HIVEP3: variants seen among roughly 807,000 people sequenced by gnomAD.
HIVEP3 encodes the protein transcription factor HIVEP3.
In HIVEP3, 49 loss-of-function variants were observed where a neutral mutation model predicts 152.8. The observed-to-expected ratio is 0.32, with a 90% CI of 0.26 to 0.41. The LOEUF is 0.41. Among genes scored for constraint, HIVEP3 ranks in the 10% least tolerant of loss-of-function variants. The probability of loss-of-function intolerance (pLI) is 1.00; values close to 1 mark genes in which losing one functional copy is unlikely to be tolerated. For synonymous variants in HIVEP3, 1,269 were observed against 1,289.0 expected (o/e 0.98, Z 0.33); for missense variants, 2,790 against 3,103.3 (o/e 0.90, Z 2.40).
intron 1 of HIVEP3, among the ~76,000 whole-genome samples, chr1:41,870,684 T>A (rs981477566): frequency 5.9e-5 from 9 of 152,220 alleles, no homozygotes; most frequent in Admixed American, 2.0e-4. Flanking sequence ...TATTTATTAA[T>A]CTACTAGTAA....
Position 41,511,241 on chromosome 1 carries a change from G to C in HIVEP3, c.6431C>G (p.Ser2144Cys), listed in dbSNP as rs201986357. The C allele has an allele frequency of 1.2e-6, 2 of 1,610,332 alleles. No individual in the cohort carries two copies. The highest frequency in any genetic ancestry group is 3.3e-5 in the Admixed American group (2 of 59,894). ...PWQKAESRSP[S>C]CSPGPAHPLS... Reference sequence around the variant, plus strand: ...AGGATGAGCAGGGCCGGGTGAGCAGGAGGGACTTCGGGACTCGGCCTTCTG... The same window carrying C: ...AGGATGAGCAGGGCCGGGTGAGCAGCAGGGACTTCGGGACTCGGCCTTCTG... Residue 2144 changes from serine to cysteine, a missense_variant, in exon 9 of 9, where the codon TCC becomes TGC. Ser to Cys is a moderately radical substitution (Grantham distance 112). Coordinates refer to ENST00000372583, the MANE Select transcript of HIVEP3 (RefSeq NM_024503.5). The surrounding 1 kb of genome is among the most constrained non-coding windows in gnomAD (Gnocchi z 4.9).
chr1:41,856,323 G>T (rs1643764553), intron 1 of HIVEP3, among the ~76,000 whole-genome samples: 1 of 152,164 alleles, frequency 6.6e-6, no homozygotes, highest in African/African-American at 2.4e-5. Context: ...GTGGGAGGGG[G>T]AAACAGGATG....
At chr1:41,574,542 G>A (rs1386656079) in intron 5 of HIVEP3, among the ~76,000 whole-genome samples, 3 of 152,074 alleles carry the variant, frequency 2.0e-5, no homozygotes, top group African/African-American at 7.2e-5. Flanking sequence ...GGGGAGGGTG[G>A]CAGTCTCTGT....
intron 1 of HIVEP3, among the ~76,000 whole-genome samples, chr1:41,756,142 G>C (rs914434172): frequency 1.2e-4 from 18 of 152,332 alleles, no homozygotes; most frequent in African/African-American, 4.1e-4. Flanking sequence ...AAAAGGAACA[G>C]ACTGTTGTTA....
At position 41,524,887 on chromosome 1, in the gene HIVEP3, A is replaced by G. The variant is rs143225405; in HGVS notation, c.5231T>C (p.Val1744Ala). The change falls in exon 6 of 9, where the codon GTA becomes GCA. Residue 1744 changes from valine (V) to alanine (A), a missense_variant. By Grantham distance (64) the Val-to-Ala change is moderately conservative (BLOSUM62 0). Coordinates refer to ENST00000372583, the MANE Select transcript of HIVEP3 (RefSeq NM_024503.5). The stretch of plus-strand genomic sequence containing the variant: ...CCCTCGGCCGCGGCCTCGCACATAT[A>G]CATACTCTTCGTTTGATTTGTACCT... ...EGGYKSNEEY[V>A]YVRGRGRGKY... 1.2e-6 allele frequency: 2 copies of G among 1,613,832 alleles called. No individual in the cohort carries two copies. Among genetic ancestry groups the G allele is most frequent in the African/African-American group, 2.7e-5 (2 of 74,884 alleles).
At position 41,513,021 on chromosome 1, in the gene HIVEP3, G is replaced by A. The variant is rs764272543; in HGVS notation, c.6200C>T (p.Ser2067Leu). 9.9e-6 allele frequency: 16 copies of A among 1,613,418 alleles called. No homozygotes were observed. In the Middle Eastern group the frequency reaches 8.2e-4, roughly 83 times the overall value. Residue 2067 changes from serine to leucine, a missense_variant, in exon 8 of 9, where the codon TCG becomes TTG. This residue lies in a region of HIVEP3 where 816 missense variants were observed against 806.5 expected (regional missense o/e 1.01). Coordinates refer to ENST00000372583, the MANE Select transcript of HIVEP3 (RefSeq NM_024503.5). ...ACCTGGAGACCATCTCCTGGTGGGC[G>A]AGTATCTGGGGAGGCCTGGGTCGGT... ...GTTDPGLPRY[S>L]PTRRWSPGQA... is the part of the protein sequence containing the mutation.
chr1:41,701,687 T>C (rs544096441), intron 1 of HIVEP3, among the ~76,000 whole-genome samples: 1 of 152,320 alleles, frequency 6.6e-6, no homozygotes, highest in South Asian at 2.1e-4. Context: ...TATCTTCTCA[T>C]TGAGAAAATA....
At chr1:42,002,138 C>T (rs1645431724) in intron 1 of HIVEP3, among the ~76,000 whole-genome samples, 1 of 152,130 alleles carries the variant, frequency 6.6e-6, no homozygotes, top group Non-Finnish European at 1.5e-5. Flanking sequence ...AATCATCAGA[C>T]ACACAATGTG....
chr1:41,855,569 T>A (rs911327948), intron 1 of HIVEP3, among the ~76,000 whole-genome samples: 1 of 152,222 alleles, frequency 6.6e-6, no homozygotes, highest in Non-Finnish European at 1.5e-5. Flanking sequence ...CTTGCTGCAC[T>A]TTTAAAACCT....
chr1:41,920,596 G>GT (rs1157695129), upstream of HIVEP3, among the ~76,000 whole-genome samples: 4 of 133,468 alleles, frequency 3.0e-5, no homozygotes, highest in Non-Finnish European at 4.6e-5. Context: ...TTTTTGTTTT[G>GT]TTTTTTACCC....
chr1:41,741,623 C>T (rs1157802761), intron 1 of HIVEP3, among the ~76,000 whole-genome samples: 4 of 152,234 alleles, frequency 2.6e-5, no homozygotes, highest in Non-Finnish European at 4.4e-5. Flanking sequence ...AGGTGAGTCA[C>T]GCTGAGGCTG....
intron 1 of HIVEP3, among the ~76,000 whole-genome samples, chr1:41,858,106 C>A (rs1015043513): frequency 5.9e-5 from 9 of 152,086 alleles, no homozygotes; most frequent in Non-Finnish European, 8.8e-5. Context: ...TAAAAATGAT[C>A]ATTCCTAACA....
intron 1 of HIVEP3, among the ~76,000 whole-genome samples, chr1:41,838,354 C>A (rs1643188625): frequency 6.6e-6 from 1 of 152,174 alleles, no homozygotes; most frequent in South Asian, 2.1e-4. Context: ...CCTCTAGGCT[C>A]CACCAGGACA....
At chr1:41,813,300 C>A in intron 1 of HIVEP3, among the ~76,000 whole-genome samples, 1 of 152,210 alleles carries the variant, frequency 6.6e-6, no homozygotes, top group East Asian at 1.9e-4. Context: ...TGGCCCACAG[C>A]CTCCACCAGC....
chr1:41,978,330 G>A (rs558836469), intron 1 of HIVEP3, among the ~76,000 whole-genome samples: 2 of 152,110 alleles, frequency 1.3e-5, no homozygotes, highest in East Asian at 1.9e-4. Flanking sequence ...CCTAAGCCCC[G>A]ATATGACTGT....
chr1:42,033,410 A>G (rs1570905459), intron 1 of HIVEP3, among the ~76,000 whole-genome samples: 2 of 151,974 alleles, frequency 1.3e-5, no homozygotes, highest in Admixed American at 1.3e-4. Context: ...CAACCACTGC[A>G]CTCCCATGGG....
chr1:41,726,417 G>A (rs1364123322), intron 1 of HIVEP3, among the ~76,000 whole-genome samples: 1 of 152,224 alleles, frequency 6.6e-6, no homozygotes, highest in East Asian at 1.9e-4. Flanking sequence ...TTGAGAAGCT[G>A]TTACAGATTT....
At chr1:42,001,813 GT>G (rs1308166664) in intron 1 of HIVEP3, among the ~76,000 whole-genome samples, 2 of 152,094 alleles carry the variant, frequency 1.3e-5, no homozygotes, top group African/African-American at 4.8e-5. Flanking sequence ...CACTGCCTAA[GT>G]CTCCGGGGTA....
Position 41,840,895 on chromosome 1 carries a change from A to G in HIVEP3, c.-801+77518T>C, listed in dbSNP as rs77686818. Among the ~76,000 whole-genome samples the G allele has an allele frequency of 1.2e-3, 180 of 152,328 alleles. 2 individuals carry two copies. The East Asian group carries it at 0.027, about 23-fold the overall frequency. On this transcript the variant is annotated intron_variant, in intron 1 of 8. Transcript: ENST00000372583. Reference sequence around the variant, plus strand: ...TTTCTCTCCTTTTAATTTTAAAACAATATCAGAAGGGTTCCCAGAAAGCAA... The same window carrying G: ...TTTCTCTCCTTTTAATTTTAAAACAGTATCAGAAGGGTTCCCAGAAAGCAA...
Sources: gnomAD v4.1 joint callset for allele counts (sites outside exome capture counted in the v4.1 genomes callset) on GRCh38, gnomAD v4.1.1 for gene constraint, gnomAD v4.1.1 regional missense constraint, Gnocchi (gnomAD v3.1) non-coding constraint, MANE v1.5 for transcripts, NCBI Gene and HGNC (gene_info 2026-07-23, HGNC 2026-07-21) for gene names.